The following CTNNA3 variants were observed in gnomAD, a reference collection of about 807,000 sequenced individuals.
CTNNA3 encodes the protein catenin alpha-3.
A neutral mutation model predicts 95.7 loss-of-function variants in CTNNA3; 76 were observed. That is an observed-to-expected ratio of 0.79 (90% CI 0.66 to 0.96). The LOEUF is 0.96. Ranked by LOEUF, CTNNA3 falls within the 40% of genes least tolerant of loss-of-function variation. The probability of loss-of-function intolerance (pLI) is 0.00; values close to 1 mark genes in which losing one functional copy is unlikely to be tolerated. For synonymous variants in CTNNA3, 431 were observed against 374.4 expected, an observed-to-expected ratio of 1.15 and a Z score of -1.74; for missense variants, 1,191 against 1,089.8, an observed-to-expected ratio of 1.09 and a Z score of -1.31.
At chr10:66,008,729 A>T (rs2078945757) in intron 15 of CTNNA3, among the ~76,000 whole-genome samples, 1 of 152,240 alleles carries the variant, frequency 6.6e-6, no homozygotes, top group African/African-American at 2.4e-5. Flanking sequence ...TATCTTGCTA[A>T]TGATAATGTC....
At chr10:67,129,851 G>A (rs1298630890) in intron 7 of CTNNA3, among the ~76,000 whole-genome samples, 1 of 151,986 alleles carries the variant, frequency 6.6e-6, no homozygotes, top group Non-Finnish European at 1.5e-5. Context: ...TGAAATATGT[G>A]GCCACCATGA....
chr10:66,529,445 TTTTTG>T (rs1478549997), intron 10 of CTNNA3, among the ~76,000 whole-genome samples: 2 of 72,800 alleles, frequency 2.7e-5, no homozygotes, highest in Non-Finnish European at 6.1e-5. Flanking sequence ...CAGTGTTTTT[TTTTTG>T]TTTTTTTTTT....
In CTNNA3 at chr10:65,915,201, C is replaced by A. The variant is rs1296236288; in HGVS notation, c.*5129G>T. 8 of 152,084 alleles carry A rather than the reference C, an allele frequency of 5.3e-5. No homozygotes were observed. The highest frequency in any genetic ancestry group is 1.5e-5 in the Non-Finnish European group (1 of 68,022). 9.4% of individuals were successfully genotyped at this position (152,084 alleles called of 1,614,324 possible). The stretch of plus-strand genomic sequence containing the variant: ...CTAATATTGGGAAGAATTTCACCTA[C>A]CATCAGTCAGGAGAATGGCTGAATT... On this transcript the variant is annotated 3_prime_UTR_variant, in exon 18 of 18. Coordinates refer to ENST00000433211, the MANE Select transcript of CTNNA3 (RefSeq NM_013266.4).
At chr10:66,597,905 G>T (rs1332156478) in intron 10 of CTNNA3, among the ~76,000 whole-genome samples, 2 of 151,782 alleles carry the variant, frequency 1.3e-5, no homozygotes, top group East Asian at 1.9e-4. Context: ...ACAAAAGAAG[G>T]TTAATTAGCA....
chr10:66,245,457 C>T (rs2090279597), intron 13 of CTNNA3, among the ~76,000 whole-genome samples: 1 of 152,180 alleles, frequency 6.6e-6, no homozygotes, highest in Admixed American at 6.5e-5. Context: ...TTTAGTTCTG[C>T]CATTCAGTGG....
intron 13 of CTNNA3, among the ~76,000 whole-genome samples, chr10:66,272,228 T>C (rs1324996199): frequency 1.3e-5 from 2 of 151,992 alleles, no homozygotes; most frequent in East Asian, 1.9e-4. Context: ...TAGAAAAGAG[T>C]CATATTACTT....
intron 11 of CTNNA3, among the ~76,000 whole-genome samples, chr10:66,474,918 G>GT (rs1402344124): frequency 6.6e-6 from 1 of 151,826 alleles, no homozygotes; most frequent in African/African-American, 2.4e-5. Flanking sequence ...GTTTTGCTTT[G>GT]TTTTTTGCTA....
chr10:67,584,700 C>T (rs376215726), intron 3 of CTNNA3, among the ~76,000 whole-genome samples: 415 of 152,308 alleles, frequency 2.7e-3, no homozygotes, highest in South Asian at 8.3e-3. Context: ...CCTCCTTGAG[C>T]TGCAGTGGGC....
chr10:67,711,568 A>AATTTCTTTATTT (rs1554878498), intron 1 of CTNNA3, among the ~76,000 whole-genome samples: 31 of 134,074 alleles, frequency 2.3e-4, no homozygotes, highest in Middle Eastern at 3.9e-3. Context: ...TGGCAGAAGA[A>AATTTCTTTATTT]ATTTATTTAT....
intron 7 of CTNNA3, among the ~76,000 whole-genome samples, chr10:66,827,207 G>C (rs890671159): frequency 1.3e-5 from 2 of 152,038 alleles, no homozygotes; most frequent in Non-Finnish European, 2.9e-5. Context: ...TTCCTCCACT[G>C]CTGACTTGTG....
intron 3 of CTNNA3, among the ~76,000 whole-genome samples, chr10:67,605,156 G>C (rs1445143082): frequency 6.6e-6 from 1 of 152,110 alleles, no homozygotes; most frequent in Non-Finnish European, 1.5e-5. Context: ...ATCAACAGAT[G>C]AATCGATAAA....
intron 4 of CTNNA3, among the ~76,000 whole-genome samples, chr10:67,538,403 C>T (rs745914904): frequency 9.3e-5 from 14 of 151,342 alleles, no homozygotes; most frequent in African/African-American, 1.7e-4. Context: ...GTGAAACCCC[C>T]GTCTCTACTA....
At chr10:67,222,087 T>C (rs1296294167) in intron 5 of CTNNA3, among the ~76,000 whole-genome samples, 5 of 152,192 alleles carry the variant, frequency 3.3e-5, no homozygotes, top group Admixed American at 6.5e-5. Context: ...AAGACTCTGC[T>C]ACTCTGGGAA....
chr10:67,366,599 C>A (rs1843228492), intron 5 of CTNNA3, among the ~76,000 whole-genome samples: 1 of 151,890 alleles, frequency 6.6e-6, no homozygotes, highest in Admixed American at 6.6e-5. Flanking sequence ...AGGAATCCTG[C>A]CACTGCACTC....
chr10:66,566,772 T>C (rs998987575), intron 10 of CTNNA3, among the ~76,000 whole-genome samples: 1 of 151,946 alleles, frequency 6.6e-6, no homozygotes, highest in East Asian at 2.0e-4. Flanking sequence ...GGTGAATTTC[T>C]TTCCCAAGCT....
At chr10:66,039,768 A>C (rs2079644486) in intron 15 of CTNNA3, among the ~76,000 whole-genome samples, 1 of 152,200 alleles carries the variant, frequency 6.6e-6, no homozygotes, top group Non-Finnish European at 1.5e-5. Flanking sequence ...ACCCCAGACT[A>C]TAAAAACCCT....
chr10:67,278,685 T>A (rs1209409354), intron 5 of CTNNA3, among the ~76,000 whole-genome samples: 1 of 152,144 alleles, frequency 6.6e-6, no homozygotes, highest in Non-Finnish European at 1.5e-5. Context: ...CTCCTGGATC[T>A]AGAAAGAAAG....
In CTNNA3 at chr10:66,124,524, C is replaced by A. The variant is rs193275337; in HGVS notation, c.1885-21275G>T. Among the ~76,000 whole-genome samples, 595 of 152,322 alleles carry A rather than the reference C, an allele frequency of 3.9e-3. 3 individuals carry two copies. The highest frequency in any genetic ancestry group is 6.6e-3 in the South Asian group (32 of 4,828). ...AGTTCCAAAGTCACTTCCACATTTT[C>A]AGGTATCTTTTCAGCAGCACCCCAC... On this transcript the variant is annotated intron_variant, in intron 13 of 17. Coordinates refer to ENST00000433211, the MANE Select transcript of CTNNA3 (RefSeq NM_013266.4).
At chr10:67,551,760 A>G (rs1415631098) in intron 3 of CTNNA3, among the ~76,000 whole-genome samples, 2 of 152,172 alleles carry the variant, frequency 1.3e-5, no homozygotes, top group African/African-American at 4.8e-5. Flanking sequence ...GGACAAGGGA[A>G]CTTTTCCCGT....
Sources: allele counts gnomAD v4.1 joint callset (sites outside exome capture counted in the v4.1 genomes callset), GRCh38; gene constraint gnomAD v4.1.1; transcripts MANE v1.5; gene names NCBI Gene and HGNC (gene_info 2026-07-23, HGNC 2026-07-21).